The following HIF1A variants were observed in gnomAD, a reference collection of about 807,000 sequenced individuals.
HIF1A encodes the protein hypoxia-inducible factor 1-alpha.
In HIF1A, 24 loss-of-function variants were observed where a neutral mutation model predicts 92.7. The observed-to-expected ratio is 0.26, with a 90% CI of 0.19 to 0.36. The LOEUF (loss-of-function observed/expected upper bound fraction) is 0.36. Ranked by LOEUF, HIF1A falls within the 10% of genes least tolerant of loss-of-function variation. The probability of loss-of-function intolerance (pLI) is 1.00; values close to 1 mark genes in which losing one functional copy is unlikely to be tolerated. For synonymous variants in HIF1A, 319 were observed against 338.7 expected (o/e 0.94, Z 0.64); for missense variants, 799 against 998.5 (o/e 0.80, Z 2.69).
In HIF1A at chr14:61,729,792, AT is replaced by A. The variant is rs1198237656; in HGVS notation, c.773+2139del. Among the ~76,000 whole-genome samples the A allele has an allele frequency of 4.6e-5, 7 of 152,288 alleles. No homozygotes were observed. The South Asian group carries it at 1.2e-3, about 27-fold the overall frequency. Reference sequence around the variant, plus strand: ...CATTCCCCTCTAGTTATAGCAGAAAATTAGCAAAATGATCATGACAGGAGGT... The same window carrying A: ...CATTCCCCTCTAGTTATAGCAGAAAATAGCAAAATGATCATGACAGGAGGT... On this transcript the variant is annotated intron_variant, in intron 6 of 14. Transcript: ENST00000337138.
At position 61,695,639 on chromosome 14, in the gene HIF1A, G is replaced by T; in HGVS notation, c.-166G>T. ...CTCGGAGCCGGGCCCGGACCCCGGC[G>T]ATTGCCGCCCGCTTCTCTCTAGTCT... On this transcript the variant is annotated 5_prime_UTR_variant, in exon 1 of 15. Coordinates refer to ENST00000337138, the MANE Select transcript of HIF1A (RefSeq NM_001530.4). 1 of 725,016 alleles carries T rather than the reference G, an allele frequency of 1.4e-6. No individual in the cohort carries two copies. The highest frequency in any genetic ancestry group is 2.8e-5 in the East Asian group (1 of 35,680). The allele number at this position is 725,016 out of a possible 1,614,324, so 44.9% of individuals were successfully genotyped here.
Position 61,726,853 on chromosome 14 carries a change from T to G in HIF1A, c.570+35T>G, listed in dbSNP as rs41483044. The G allele has an allele frequency of 3.1e-3, 3,662 of 1,169,044 alleles. 88 individuals carry two copies. The African/African-American group carries it at 0.05, about 16-fold the overall frequency. The allele number at this position is 1,169,044 out of a possible 1,614,324, so 72.4% of individuals were successfully genotyped here. ...AATTATTTGTGATTGATTATACACT[T>G]TATTTATACATAGACATTGTAGTAT... is the stretch of plus-strand genomic sequence containing the variant. On this transcript the variant is annotated intron_variant, in intron 5 of 14. Transcript: ENST00000337138.
chr14:61,734,222 C>G lies in HIF1A; in HGVS notation c.965C>G (p.Thr322Ser), dbSNP rs1239751251. The change falls in exon 8 of 15, where the codon ACT becomes AGT. Residue 322 changes from threonine to serine, a missense_variant. By Grantham distance (58) the Thr-to-Ser change is moderately conservative. Coordinates refer to ENST00000337138, the MANE Select transcript of HIF1A (RefSeq NM_001530.4). ...GGYVWVETQA[T>S]VIYNTKNSQP... ...TATGTCTGGGTTGAAACTCAAGCAACTGTCATATATAACACCAAGAATTCT... is the reference window on the plus strand; with the variant it reads ...TATGTCTGGGTTGAAACTCAAGCAAGTGTCATATATAACACCAAGAATTCT... 1 of 1,612,604 alleles carries G rather than the reference C, an allele frequency of 6.2e-7. No individual in the cohort carries two copies.
intron 1 of HIF1A, among the ~76,000 whole-genome samples, chr14:61,700,473 G>T (rs1265405960): frequency 1.3e-5 from 2 of 152,170 alleles, no homozygotes; most frequent in Non-Finnish European, 2.9e-5. Flanking sequence ...TGTAGCATGT[G>T]TCAGAATTTC....
At chr14:61,737,133 C>T (rs1010117812) in intron 9 of HIF1A, 24 bp downstream of exon 9, 4 of 1,532,542 alleles carry the variant, frequency 2.6e-6, no homozygotes, top group Non-Finnish European at 3.6e-6. Context: ...TTTGTTAATC[C>T]CCTAAATTGT....
chr14:61,705,688 T>A (rs1051154393), intron 1 of HIF1A, among the ~76,000 whole-genome samples: 4 of 152,138 alleles, frequency 2.6e-5, no homozygotes, highest in African/African-American at 2.4e-5. Flanking sequence ...GATTCTCAGG[T>A]GGAATCTGAG....
chr14:61,716,173 G>A (rs1002783732), intron 1 of HIF1A, among the ~76,000 whole-genome samples: 7 of 152,044 alleles, frequency 4.6e-5, no homozygotes, highest in Admixed American at 6.6e-5. Context: ...AAAAAGATGC[G>A]TAATATATAA....
intron 12 of HIF1A, among the ~76,000 whole-genome samples, chr14:61,742,287 C>T (rs1229643778): frequency 3.3e-5 from 5 of 152,200 alleles, no homozygotes; most frequent in Non-Finnish European, 7.3e-5. Context: ...TCCTTCTCTA[C>T]TATGTCTAGA....
At chr14:61,732,919 T>A (rs1270364779) in intron 7 of HIF1A, among the ~76,000 whole-genome samples, 1 of 152,168 alleles carries the variant, frequency 6.6e-6, no homozygotes, top group African/African-American at 2.4e-5. Flanking sequence ...AGTACCATTT[T>A]AAAAAATGCT....
intron 6 of HIF1A, among the ~76,000 whole-genome samples, chr14:61,730,494 AATC>A (rs1351485704): frequency 6.6e-6 from 1 of 152,154 alleles, no homozygotes; most frequent in East Asian, 1.9e-4. Context: ...TGTCTCCACT[AATC>A]ATATTATAGA....
chr14:61,738,807 T>C (rs980883488), intron 10 of HIF1A, among the ~76,000 whole-genome samples: 4 of 152,288 alleles, frequency 2.6e-5, no homozygotes, highest in African/African-American at 9.6e-5. Flanking sequence ...AGTGCAGTGG[T>C]GCAATCACAG....
rs1311392317 is a variant in HIF1A at position 61,738,425 on chromosome 14, A to G, written c.1536+52A>G. The G allele has an allele frequency of 3.6e-6, 5 of 1,404,780 alleles. No homozygotes were observed. The African/African-American group carries it at 7.2e-5, about 20-fold the overall frequency. The allele number at this position is 1,404,780 out of a possible 1,614,324, so 87.0% of individuals were successfully genotyped here. On this transcript the variant is annotated intron_variant, in intron 10 of 14. Coordinates refer to ENST00000337138, the MANE Select transcript of HIF1A (RefSeq NM_001530.4). ...GGACAACTTTCAGATTTTAACATTCAAGAATGTATTTATAAGTTTGATTCA... is the reference window on the plus strand; with the variant it reads ...GGACAACTTTCAGATTTTAACATTCGAGAATGTATTTATAAGTTTGATTCA...
At chr14:61,721,020 T>A (rs1394316010) in intron 2 of HIF1A, among the ~76,000 whole-genome samples, 1 of 151,904 alleles carries the variant, frequency 6.6e-6, no homozygotes, top group East Asian at 1.9e-4. Flanking sequence ...GGCGGGTGGA[T>A]CATGAGGTCA....
intron 4 of HIF1A, among the ~76,000 whole-genome samples, chr14:61,725,850 C>T (rs1240661657): frequency 2.0e-5 from 3 of 150,764 alleles, no homozygotes; most frequent in Admixed American, 1.3e-4. Context: ...GATGGATTCT[C>T]GCTCTATATC....
At chr14:61,745,870 AT>A in intron 14 of HIF1A, 53 bp downstream of exon 14, 1 of 1,451,778 alleles carries the variant, frequency 6.9e-7, no homozygotes, top group Non-Finnish European at 9.5e-7. Context: ...TACATGAAAC[AT>A]TTTTATTTAG....
intron 1 of HIF1A, among the ~76,000 whole-genome samples, chr14:61,702,798 C>A (rs1039534960): frequency 2.0e-5 from 3 of 152,158 alleles, no homozygotes; most frequent in Admixed American, 1.3e-4. Flanking sequence ...TGCTTTTTCA[C>A]TATGTAGAGA....
At position 61,738,154 on chromosome 14, in the gene HIF1A, C is replaced by A; in HGVS notation, c.1317C>A (p.Pro439=). Reference sequence around the variant, plus strand: ...ATAATGATGTAATGCTCCCCTCACCCAACGAAAAATTACAGAATATAAATT... The same window carrying A: ...ATAATGATGTAATGCTCCCCTCACCAAACGAAAAATTACAGAATATAAATT... The part of the protein sequence containing the change: ...PLYNDVMLPS[P]NEKLQNINLA... The change falls in exon 10 of 15, where the codon CCC becomes CCA. Residue 439 remains proline (P), a synonymous_variant. Coordinates refer to ENST00000337138, the MANE Select transcript of HIF1A (RefSeq NM_001530.4). 6.2e-7 allele frequency: 1 copy of A among 1,613,932 alleles called. No individual in the cohort carries two copies. The highest frequency in any genetic ancestry group is 8.5e-7 in the Non-Finnish European group (1 of 1,179,920).
At chr14:61,731,938 A>T (rs1227758723) in intron 6 of HIF1A, among the ~76,000 whole-genome samples, 1 of 152,186 alleles carries the variant, frequency 6.6e-6, no homozygotes, top group Non-Finnish European at 1.5e-5. Context: ...GGAGTTCAAG[A>T]CGAGCCTGAC....
intron 1 of HIF1A, among the ~76,000 whole-genome samples, chr14:61,696,163 G>T (rs935916047): frequency 1.3e-5 from 2 of 152,260 alleles, no homozygotes; most frequent in Admixed American, 6.5e-5. Flanking sequence ...CTGCTCTGTG[G>T]CCCCATCCGG....
Sources: gnomAD v4.1 joint callset for allele counts (sites outside exome capture counted in the v4.1 genomes callset) on GRCh38, gnomAD v4.1.1 for gene constraint, MANE v1.5 for transcripts, NCBI Gene and HGNC (gene_info 2026-07-23, HGNC 2026-07-21) for gene names.